IFI27: variants seen among roughly 807,000 people sequenced by gnomAD.
IFI27 encodes the protein interferon alpha-inducible protein 27, mitochondrial.
In IFI27, 3 loss-of-function variants were observed where a neutral mutation model predicts 8.9. The ratio of observed to expected loss-of-function variants is 0.34; its 90% CI spans 0.15 to 0.87. IFI27 has a LOEUF of 0.87. IFI27 is among the 40% of genes least tolerant of loss of function. The pLI is 0.51. For synonymous variants in IFI27, 66 were observed against 67.3 expected, an observed-to-expected ratio of 0.98 and a Z score of 0.09; for missense variants, 152 against 157.7, an observed-to-expected ratio of 0.96 and a Z score of 0.19.
chr14:94,116,452 A>C lies in IFI27; in HGVS notation c.294A>C (p.Gly98=). The change falls in exon 5 of 5, where the codon GGA becomes GGC. Residue 98 remains glycine (G), a synonymous_variant. Transcript: ENST00000621160. This position sits in a 1 kb window ranked among gnomAD's most constrained non-coding sequence, Gnocchi z 4.3. ...TCTGCTTCTTCCCAGGAGCAACTGG[A>C]CTCTCCGGATTGACCAAGTTCATCC... 6.2e-7 allele frequency: 1 copy of C among 1,611,940 alleles called. No individual in the cohort carries two copies. The highest frequency in any genetic ancestry group is 2.2e-5 in the East Asian group (1 of 44,832).
rs969954371 is a variant in IFI27 at position 94,111,161 on chromosome 14, G to C, written c.-59+364G>C. ...CTTCTGACCTGGAGCAAATCACTGA[G>C]CCAGATCGCGCTCCCTCATCTGTAA... On this transcript the variant is annotated intron_variant, in intron 1 of 4. Coordinates refer to ENST00000621160, the Ensembl canonical transcript of IFI27. The surrounding 1 kb of genome is among the most constrained non-coding windows in gnomAD (Gnocchi z 4.3). Among the ~76,000 whole-genome samples the C allele has an allele frequency of 8.5e-5, 13 of 152,206 alleles. No individual in the cohort carries two copies. Among genetic ancestry groups the C allele is most frequent in the Non-Finnish European group, 1.8e-4 (12 of 68,044 alleles).
At chr14:94,114,830 G>C in intron 2 of IFI27, 21 bp from the exon 3 acceptor site, 1 of 1,613,892 alleles carries the variant, frequency 6.2e-7, no homozygotes, top group Non-Finnish European at 8.5e-7. Context: ...TCTACTCACA[G>C]AATGTTCTTT....
intron 2 of IFI27, chr14:94,113,256 C>T (rs1359905784): frequency 6.6e-6 from 1 of 152,256 alleles, no homozygotes; most frequent in African/African-American, 2.4e-5. Context: ...AATCCCGGCA[C>T]TTTGGGAGGC....
At position 94,111,084 on chromosome 14, in the gene IFI27, C is replaced by G. The variant is rs1480739701; in HGVS notation, c.-59+287C>G. 1 of 154,604 alleles carries G rather than the reference C, an allele frequency of 6.5e-6. No individual in the cohort carries two copies. The highest frequency in any genetic ancestry group is 2.0e-4 in the South Asian group (1 of 4,920). The allele number at this position is 154,604 out of a possible 1,614,324, so 9.6% of individuals were successfully genotyped here. A position where few individuals can be genotyped will look rare whatever the true frequency, so the allele number is the denominator to read the frequency against. ...AGATAAGTGTTAGGAGGAACCAAGTCGAAGCCATTGCAAGTCCATGCCTGG... is the reference window on the plus strand; with the variant it reads ...AGATAAGTGTTAGGAGGAACCAAGTGGAAGCCATTGCAAGTCCATGCCTGG... On this transcript the variant is annotated intron_variant, in intron 1 of 4. Coordinates refer to ENST00000621160, the Ensembl canonical transcript of IFI27. This position sits in a 1 kb window ranked among gnomAD's most constrained non-coding sequence, Gnocchi z 4.3.
chr14:94,116,539 T>TC lies in IFI27; in HGVS notation c.*13dup. 6.2e-7 allele frequency: 1 copy of TC among 1,603,896 alleles called. No homozygotes were observed. The highest frequency in any genetic ancestry group is 1.7e-5 in the Admixed American group (1 of 59,050). ...CGAGGTTCTACTAGCTCCCTGCCCC[T>TC]CGCCCTGCAGAGAAGAGAACCATGC... On this transcript the variant is annotated 3_prime_UTR_variant, in exon 5 of 5. Coordinates refer to ENST00000621160, the Ensembl canonical transcript of IFI27. This position sits in a 1 kb window ranked among gnomAD's most constrained non-coding sequence, Gnocchi z 4.3.
At chr14:94,109,644 C>T (rs1406721729), upstream of IFI27, among the ~76,000 whole-genome samples, 2 of 152,140 alleles carry the variant, frequency 1.3e-5, no homozygotes, top group Non-Finnish European at 2.9e-5. Flanking sequence ...TTGTGTGGCC[C>T]ATGTGATAAG....
chr14:94,111,681 G>A lies in IFI27; in HGVS notation c.-2G>A, dbSNP rs745383972. 2 of 1,613,270 alleles carry A rather than the reference G, an allele frequency of 1.2e-6. No homozygotes were observed. Among genetic ancestry groups the A allele is most frequent in the Non-Finnish European group, 1.7e-6 (2 of 1,179,152 alleles). On this transcript the variant is annotated 5_prime_UTR_variant, in exon 2 of 5. Coordinates refer to ENST00000621160, the Ensembl canonical transcript of IFI27. This position sits in a 1 kb window ranked among gnomAD's most constrained non-coding sequence, Gnocchi z 4.3. Reference sequence around the variant, plus strand: ...TAGGCCACGGAATTAACCCGAGCAGGCATGGAGGCCTCTGCTCTCACCTCA... The same window carrying A: ...TAGGCCACGGAATTAACCCGAGCAGACATGGAGGCCTCTGCTCTCACCTCA...
upstream of IFI27, among the ~76,000 whole-genome samples, chr14:94,108,198 A>G (rs943642574): frequency 1.6e-4 from 25 of 152,190 alleles, no homozygotes; most frequent in Admixed American, 7.2e-4. Flanking sequence ...ATAGTATTCC[A>G]TGGTATATAT....
chr14:94,116,101 A>G lies in IFI27; in HGVS notation c.283+159A>G, dbSNP rs549543615. ...TTTCTCTGAGGGAGATGGAGGAGGG[A>G]GGGAAGGAGCCCAAGCCAGGAACAG... On this transcript the variant is annotated intron_variant, in intron 4 of 4. Transcript: ENST00000621160. This position sits in a 1 kb window ranked among gnomAD's most constrained non-coding sequence, Gnocchi z 4.3. 2.8e-5 allele frequency: 25 copies of G among 908,576 alleles called. No individual in the cohort carries two copies. In the South Asian group the frequency reaches 3.2e-4, roughly 12 times the overall value. The allele number at this position is 908,576 out of a possible 1,614,324, so 56.3% of individuals were successfully genotyped here.
At position 94,116,518 on chromosome 14, in the gene IFI27, G is replaced by T. The variant is rs1372305297; in HGVS notation, c.360G>T (p.Arg120Ser). 1 of 1,612,466 alleles carries T rather than the reference G, an allele frequency of 6.2e-7. No individual in the cohort carries two copies. The highest frequency in any genetic ancestry group is 8.5e-7 in the Non-Finnish European group (1 of 1,179,294). The change falls in exon 5 of 5, where the codon AGG becomes AGT. Residue 120 changes from arginine (R) to serine (S), a missense_variant. Arg to Ser is a moderately radical substitution (Grantham distance 110, BLOSUM62 -1). Transcript: ENST00000621160. The surrounding 1 kb of genome is among the most constrained non-coding windows in gnomAD (Gnocchi z 4.3). ...CTGCCATTGCGGCTGTCATTGCGAG[G>T]TTCTACTAGCTCCCTGCCCCTCGCC...
At position 94,111,262 on chromosome 14, in the gene IFI27, A is replaced by G. The variant is rs1887171822; in HGVS notation, c.-58-363A>G. On this transcript the variant is annotated intron_variant, in intron 1 of 4. Transcript: ENST00000621160. The surrounding 1 kb of genome is among the most constrained non-coding windows in gnomAD (Gnocchi z 4.3). The stretch of plus-strand genomic sequence containing the variant: ...TAAGAGCAGGCACCTCGCCTGCTGT[A>G]TATGCCTTAAAAATGCGATTGGTTC... 6.6e-6 allele frequency among the ~76,000 whole-genome samples: 1 copy of G among 152,206 alleles called. No individual in the cohort carries two copies. Among genetic ancestry groups the G allele is most frequent in the Non-Finnish European group, 1.5e-5 (1 of 68,036 alleles).
intron 2 of IFI27, 69 bp from the exon 3 acceptor site, chr14:94,114,782 G>T: frequency 6.4e-7 from 1 of 1,564,884 alleles, no homozygotes; most frequent in Non-Finnish European, 8.8e-7. Flanking sequence ...CTTTAGATGG[G>T]CAATCGGCTT....
At chr14:94,110,782 A>C (rs1887149601) in exon 1 of IFI27, 1 of 152,480 alleles carries the variant, frequency 6.6e-6, no homozygotes, top group South Asian at 2.1e-4. Flanking sequence ...CATTCTCAGG[A>C]ACTCTCCTTC....
At position 94,116,552 on chromosome 14, in the gene IFI27, A is replaced by G; in HGVS notation, c.*25A>G. ...GCTCCCTGCCCCTCGCCCTGCAGAG[A>G]AGAGAACCATGCCAGGGGAGAAGGC... On this transcript the variant is annotated 3_prime_UTR_variant, in exon 5 of 5. Transcript: ENST00000621160. This position sits in a 1 kb window ranked among gnomAD's most constrained non-coding sequence, Gnocchi z 4.3. 6.3e-7 allele frequency: 1 copy of G among 1,586,176 alleles called. No individual in the cohort carries two copies. The highest frequency in any genetic ancestry group is 8.6e-7 in the Non-Finnish European group (1 of 1,159,794).
Position 94,111,818 on chromosome 14 carries a change from C to T in IFI27, c.91+45C>T, listed in dbSNP as rs747077148. 7.0e-7 allele frequency: 1 copy of T among 1,435,924 alleles called. No individual in the cohort carries two copies. Among genetic ancestry groups the T allele is most frequent in the East Asian group, 2.3e-5 (1 of 44,004 alleles). The allele number at this position is 1,435,924 out of a possible 1,614,324, so 88.9% of individuals were successfully genotyped here. A position where few individuals can be genotyped will look rare whatever the true frequency, so the allele number is the denominator to read the frequency against. ...GCTGGTGCTGGGGGCGAGGAGGCGG[C>T]TGGGAAGGGCGGGGGTCCTGTCCCG... On this transcript the variant is annotated intron_variant, in intron 2 of 4. Coordinates refer to ENST00000621160, the Ensembl canonical transcript of IFI27. The surrounding 1 kb of genome is among the most constrained non-coding windows in gnomAD (Gnocchi z 4.3).
upstream of IFI27, among the ~76,000 whole-genome samples, chr14:94,108,925 ATGCAAGTTG>A (rs1887054555): frequency 6.6e-6 from 1 of 152,228 alleles, no homozygotes; most frequent in Admixed American, 6.5e-5. Flanking sequence ...AGAGGCTGTT[ATGCAAGTTG>A]TTCTGAAGGA....
Position 94,116,489 on chromosome 14 carries a change from G to A in IFI27, c.331G>A (p.Gly111Arg). ...GACCAAGTTCATCCTGGGCTCCATT[G>A]GGTCTGCCATTGCGGCTGTCATTGC... Residue 111 changes from glycine to arginine, a missense_variant, in exon 5 of 5, where the codon GGG (glycine) becomes AGG (arginine). Physicochemically the swap from Gly to Arg is moderately radical, Grantham distance 125. Transcript: ENST00000621160. The surrounding 1 kb of genome is among the most constrained non-coding windows in gnomAD (Gnocchi z 4.3). The A allele has an allele frequency of 1.2e-6, 2 of 1,613,534 alleles. No individual in the cohort carries two copies. The highest frequency in any genetic ancestry group is 1.7e-6 in the Non-Finnish European group (2 of 1,179,832).
upstream of IFI27, among the ~76,000 whole-genome samples, chr14:94,106,623 T>C (rs1238355898): frequency 6.6e-6 from 1 of 152,226 alleles, no homozygotes; most frequent in African/African-American, 2.4e-5. Context: ...TAGTTCATCT[T>C]GCACTGCTAT....
At chr14:94,115,582 A>G in intron 3 of IFI27, 199 bp from the exon 4 acceptor site, 1 of 620,246 alleles carries the variant, frequency 1.6e-6, no homozygotes, top group Non-Finnish European at 2.8e-6. Context: ...GTGCCCAGTG[A>G]CCCCACTAGC....
Sources: allele counts gnomAD v4.1 joint callset (sites outside exome capture counted in the v4.1 genomes callset), GRCh38; gene constraint gnomAD v4.1.1; non-coding constraint Gnocchi (gnomAD v3.1); transcripts MANE v1.5; gene names NCBI Gene and HGNC (gene_info 2026-07-23, HGNC 2026-07-21).